Variants in METTL16 observed in about 807,000 individuals in gnomAD.
METTL16 encodes RNA N(6)-adenosine-methyltransferase METTL16.
Under a neutral mutation model 57.9 loss-of-function variants are expected in METTL16, and 19 were observed. The observed-to-expected ratio is 0.33, with a 90% CI of 0.23 to 0.48. The LOEUF (loss-of-function observed/expected upper bound fraction) is 0.48, where lower values mean the gene tolerates loss of function less well. Ranked by LOEUF, METTL16 falls within the 20% of genes least tolerant of loss-of-function variation. The probability of loss-of-function intolerance (pLI) is 0.99; values close to 1 mark genes in which losing one functional copy is unlikely to be tolerated. For missense variants in METTL16, 434 were observed against 691.5 expected, an observed-to-expected ratio of 0.63 and a Z score of 4.18; for synonymous variants, 246 against 255.6, an observed-to-expected ratio of 0.96 and a Z score of 0.36.
At chr17:2,506,328 G>C (rs1355449338) in intron 1 of METTL16, among the ~76,000 whole-genome samples, 4 of 144,002 alleles carry the variant, frequency 2.8e-5, no homozygotes, top group Admixed American at 7.1e-5. Context: ...GTCTCCCTCT[G>C]ATGCCGAGCC....
intron 2 of METTL16, among the ~76,000 whole-genome samples, chr17:2,492,191 A>G (rs1266889983): frequency 1.3e-5 from 2 of 152,198 alleles, no homozygotes; most frequent in Non-Finnish European, 2.9e-5. Flanking sequence ...AGCCTGGGCG[A>G]CAGAGCAAGA....
intron 4 of METTL16, among the ~76,000 whole-genome samples, chr17:2,469,032 C>T (rs980090454): frequency 6.6e-6 from 1 of 151,446 alleles, no homozygotes; most frequent in Non-Finnish European, 1.5e-5. Flanking sequence ...GTCAGGAGTT[C>T]GAGACCTGCC....
intron 2 of METTL16, among the ~76,000 whole-genome samples, chr17:2,494,971 A>G (rs1409272852): frequency 6.6e-6 from 1 of 151,826 alleles, no homozygotes; most frequent in East Asian, 1.9e-4. Flanking sequence ...TTTTAAGGCC[A>G]TAGATAGTGA....
At chr17:2,494,438 T>C (rs977196279) in intron 2 of METTL16, among the ~76,000 whole-genome samples, 1 of 152,200 alleles carries the variant, frequency 6.6e-6, no homozygotes, top group Non-Finnish European at 1.5e-5. Context: ...CTAGCAAGTG[T>C]ATTGGTGCCA....
Position 2,420,908 on chromosome 17 carries a change from C to T in METTL16, c.889-4G>A. 6.2e-7 allele frequency: 1 copy of T among 1,609,016 alleles called. No individual in the cohort carries two copies. Among genetic ancestry groups the T allele is most frequent in the East Asian group, 2.2e-5 (1 of 44,828 alleles). ...TTCTTCGCTTACTTGGTGGTGACTG[C>T]AAGAAAAAGGAAGCATAGAAAAGAG... On this transcript the variant is annotated splice_polypyrimidine_tract_variant and splice_region_variant and intron_variant, in intron 8 of 9. Transcript: ENST00000263092. This position sits in a 1 kb window ranked among gnomAD's most constrained non-coding sequence, Gnocchi z 5.4.
rs532196602 is a variant in METTL16, at chr17:2,497,347, C to G, written c.128+4857G>C. 8.4e-5 allele frequency among the ~76,000 whole-genome samples: 11 copies of G among 131,308 alleles called. No individual in the cohort carries two copies. The East Asian group carries it at 1.2e-3, about 14-fold the overall frequency. 86.1% of individuals were successfully genotyped at this position (131,308 alleles called of 152,430 possible). On this transcript the variant is annotated intron_variant, in intron 2 of 9. Transcript: ENST00000263092. ...TTTTTTTTTGAGATAGGATCTCACT[C>G]TGTCGCCCAGGCTGGAGTGTAGTGG...
chr17:2,473,410 G>T lies in METTL16; in HGVS notation c.469+114C>A, dbSNP rs187108665. ...CAGCAAACCCAATTACAAAGTGCCA[G>T]ATTTTTTTAAATTACCGAAGTCTGT... On this transcript the variant is annotated intron_variant, in intron 4 of 9. Coordinates refer to ENST00000263092, the MANE Select transcript of METTL16 (RefSeq NM_024086.4). The T allele has an allele frequency of 1.1e-4, 132 of 1,242,966 alleles. No individual in the cohort carries two copies. In the African/African-American group the frequency reaches 1.9e-3, roughly 18 times the overall value. The allele number at this position is 1,242,966 out of a possible 1,614,324, so 77.0% of individuals were successfully genotyped here. A position where few individuals can be genotyped will look rare whatever the true frequency, so the allele number is the denominator to read the frequency against.
At chr17:2,456,558 T>C (rs898640677) in intron 6 of METTL16, among the ~76,000 whole-genome samples, 6 of 152,190 alleles carry the variant, frequency 3.9e-5, no homozygotes, top group Non-Finnish European at 8.8e-5. Context: ...CACTGCAGCC[T>C]TGACCTCCTG....
intron 6 of METTL16, among the ~76,000 whole-genome samples, chr17:2,445,353 A>G (rs2066987569): frequency 6.6e-6 from 1 of 152,186 alleles, no homozygotes; most frequent in Non-Finnish European, 1.5e-5. Context: ...CATTCACACA[A>G]TAACAAAAAA....
At position 2,420,568 on chromosome 17, in the gene METTL16, T is replaced by C. The variant is rs374238665; in HGVS notation, c.1091A>G (p.Lys364Arg). 10 of 1,612,594 alleles carry C rather than the reference T, an allele frequency of 6.2e-6. No homozygotes were observed. The African/African-American group carries it at 1.2e-4, about 19-fold the overall frequency. ...CGTTAGGAAAAGGCTGACTTCCTCT[T>C]TTCCACAGGGAACTCGTTTATGCTG... ...KVQHKRVPCG[K>R]EEVSLFLTAI... Residue 364 changes from lysine to arginine, a missense_variant, in exon 10 of 10, where the codon AAA becomes AGA. Lys to Arg is a conservative substitution (Grantham distance 26, BLOSUM62 2). This residue lies in a region of METTL16 where 26 missense variants were observed against 63.0 expected (regional missense o/e 0.41). Transcript: ENST00000263092. This position sits in a 1 kb window ranked among gnomAD's most constrained non-coding sequence, Gnocchi z 5.4.
At chr17:2,426,727 TCAAAA>T (rs2066821947) in intron 8 of METTL16, among the ~76,000 whole-genome samples, 1 of 58,528 alleles carries the variant, frequency 1.7e-5, no homozygotes. Context: ...AGACTCCGTC[TCAAAA>T]AAAAAAAAAA....
intron 4 of METTL16, 76 bp from the exon 5 acceptor site, chr17:2,467,952 G>T: frequency 1.0e-6 from 1 of 973,980 alleles, no homozygotes; most frequent in Non-Finnish European, 1.6e-6. Context: ...ACTGCGTAAT[G>T]ATTCTTTGGT....
chr17:2,495,694 C>A (rs1354502683), intron 2 of METTL16, among the ~76,000 whole-genome samples: 191 of 114,614 alleles, frequency 1.7e-3, no homozygotes, highest in African/African-American at 3.8e-3. Context: ...GACTCTGTCT[C>A]AAAAAAAAAA....
chr17:2,491,151 G>T (rs1243484890), intron 2 of METTL16, among the ~76,000 whole-genome samples: 3 of 152,156 alleles, frequency 2.0e-5, no homozygotes, highest in African/African-American at 7.2e-5. Context: ...AGACAGGCAA[G>T]ATCTTTTCTC....
intron 5 of METTL16, among the ~76,000 whole-genome samples, chr17:2,464,905 C>T (rs967550932): frequency 1.3e-5 from 2 of 151,934 alleles, no homozygotes; most frequent in Non-Finnish European, 2.9e-5. Context: ...AAAGCATAAG[C>T]AACAAAAGAA....
rs1450237158 is a variant in METTL16, at chr17:2,419,834, G to C, written c.*136C>G. On this transcript the variant is annotated 3_prime_UTR_variant, in exon 10 of 10. Transcript: ENST00000263092. ...AGGAGGCGGGGGGAGGTGGGGGACA[G>C]ATTCATAGGTTTTTGTTTTCGAAGA... 4 of 1,086,292 alleles carry C rather than the reference G, an allele frequency of 3.7e-6. No individual in the cohort carries two copies. The highest frequency in any genetic ancestry group is 5.4e-6 in the Non-Finnish European group (4 of 735,144). 67.3% of individuals were successfully genotyped at this position (1,086,292 alleles called of 1,614,324 possible). A position where few individuals can be genotyped will look rare whatever the true frequency, so the allele number is the denominator to read the frequency against.
At chr17:2,484,555 C>T (rs576082611) in intron 2 of METTL16, among the ~76,000 whole-genome samples, 1 of 151,648 alleles carries the variant, frequency 6.6e-6, no homozygotes, top group South Asian at 2.1e-4. Context: ...AGTTCAATGG[C>T]GCAATATCAG....
At chr17:2,491,991 C>T (rs1249406875) in intron 2 of METTL16, among the ~76,000 whole-genome samples, 1 of 151,174 alleles carries the variant, frequency 6.6e-6, no homozygotes, top group East Asian at 1.9e-4. Context: ...GCTGACGGAT[C>T]ACGAGGTCAG....
chr17:2,463,659 A>G (rs2067169318), intron 6 of METTL16, among the ~76,000 whole-genome samples: 1 of 151,722 alleles, frequency 6.6e-6, no homozygotes, highest in South Asian at 2.1e-4. Flanking sequence ...ACAGGGTTTC[A>G]CTATATTGGC....
Sources: gnomAD v4.1 joint callset for allele counts (sites outside exome capture counted in the v4.1 genomes callset) on GRCh38, gnomAD v4.1.1 for gene constraint, gnomAD v4.1.1 regional missense constraint, Gnocchi (gnomAD v3.1) non-coding constraint, MANE v1.5 for transcripts, NCBI Gene and HGNC (gene_info 2026-07-23, HGNC 2026-07-21) for gene names.